ADGRG4: variants seen among roughly 807,000 people sequenced by gnomAD.
The protein encoded by ADGRG4 is G protein-coupled receptor 112.
Under a neutral mutation model 126.2 loss-of-function variants are expected in ADGRG4, and 122 were observed. The ratio of observed to expected loss-of-function variants is 0.97; its 90% confidence interval spans 0.83 to 1.12. The LOEUF (loss-of-function observed/expected upper bound fraction) is 1.12, where lower values mean the gene tolerates loss of function less well. Among genes scored for constraint, ADGRG4 ranks in the 50% most tolerant of loss-of-function variants. ADGRG4 has a pLI of 0.00. For synonymous variants in ADGRG4, 943 were observed against 838.7 expected (o/e 1.12, Z -2.15); for missense variants, 2,481 against 2,251.8 (o/e 1.10, Z -2.06).
chrX:136,414,205 GACTAA>G lies in ADGRG4; in HGVS notation c.9085_9089del (p.Leu3029GlufsTer4). On this transcript the variant is annotated frameshift_variant, in exon 25 of 26. Transcript: ENST00000394143. LOFTEE classifies it high-confidence loss of function. ...ATAAAGGTTGGATATAAACAGGAGGGACTAAAGAAAATCTTTGAGCACAAACTGTT... is the reference window on the plus strand; with the variant it reads ...ATAAAGGTTGGATATAAACAGGAGGGAGAAAATCTTTGAGCACAAACTGTT... 1.7e-6 allele frequency: 2 copies of G among 1,206,197 alleles called. No individual in the cohort carries two copies. The highest frequency in any genetic ancestry group is 2.2e-6 in the Non-Finnish European group (2 of 891,225).
rs779905902 is a variant in ADGRG4 at position 136,350,065 on chromosome X, T to C, written c.6359T>C (p.Val2120Ala). 11 of 1,208,914 alleles carry C rather than the reference T, an allele frequency of 9.1e-6. No homozygotes were observed. The highest frequency in any genetic ancestry group is 1.2e-5 in the Non-Finnish European group (11 of 894,551). ...ACAATAACTGCCAACCCCAGGACTG[T>C]GTCTCATCCTTCATCCTTCAGCAGA... ...RTTITANPRT[V>A]SHPSSFSRKT... is the part of the protein sequence containing the mutation. Residue 2120 changes from valine to alanine, a missense_variant, in exon 6 of 26, where the codon GTG (valine) becomes GCG (alanine). Val to Ala is a moderately conservative substitution (Grantham distance 64, BLOSUM62 0). Transcript: ENST00000394143.
intron 5 of ADGRG4, among the ~76,000 whole-genome samples, chrX:136,331,635 T>C (rs2074910516): frequency 9.0e-6 from 1 of 111,492 alleles, no homozygotes; most frequent in South Asian, 3.8e-4. Flanking sequence ...TAGTGATATT[T>C]TATTGTGCTT....
chrX:136,350,097 A>G lies in ADGRG4; in HGVS notation c.6391A>G (p.Met2131Val), dbSNP rs778450751. Residue 2131 changes from methionine to valine, a missense_variant, in exon 6 of 26, where the codon ATG becomes GTG. Met to Val is a conservative substitution (Grantham distance 21, BLOSUM62 1). Coordinates refer to ENST00000394143, the MANE Select transcript of ADGRG4 (RefSeq NM_153834.4). ...TCCTTCATCCTTCAGCAGAAAGACT[A>G]TGTCACCTTCTACAACTGACCACAC... ...SHPSSFSRKT[M>V]SPSTTDHTLS... The G allele has an allele frequency of 5.0e-6, 6 of 1,209,026 alleles. No homozygotes were observed. In the East Asian group the frequency reaches 1.8e-4, roughly 36 times the overall value.
At position 136,345,978 on chromosome X, in the gene ADGRG4, A is replaced by T. The variant is rs776278295; in HGVS notation, c.2272A>T (p.Thr758Ser). Residue 758 changes from threonine to serine, a missense_variant, in exon 6 of 26, where the codon ACT (threonine) becomes TCT (serine). By Grantham distance (58) the Thr-to-Ser change is moderately conservative. Coordinates refer to ENST00000394143, the MANE Select transcript of ADGRG4 (RefSeq NM_153834.4). ...ITNMPEFKLT[T>S]LLLKTIPMST... ...CAATATGCCTGAATTTAAACTTACC[A>T]CTTTACTACTAAAAACAATACCTAT... is the stretch of plus-strand genomic sequence containing the variant. 1 of 1,209,554 alleles carries T rather than the reference A, an allele frequency of 8.3e-7. No homozygotes were observed. The highest frequency in any genetic ancestry group is 1.8e-5 in the South Asian group (1 of 56,573).
chrX:136,359,388 T>A lies in ADGRG4; in HGVS notation c.7077T>A (p.His2359Gln). Residue 2359 changes from histidine to glutamine, a missense_variant, in exon 11 of 26, where the codon CAT becomes CAA. His to Gln is a conservative substitution (Grantham distance 24). Coordinates refer to ENST00000394143, the MANE Select transcript of ADGRG4 (RefSeq NM_153834.4). Reference sequence around the variant, plus strand: ...GTAAAATACATGGCAACTTCACACATGGAAACTTCACACAAGATCAATTGA... The same window carrying A: ...GTAAAATACATGGCAACTTCACACAAGGAAACTTCACACAAGATCAATTGA... ...IKSKIHGNFT[H>Q]GNFTQDQLTL... The A allele has an allele frequency of 8.3e-7, 1 of 1,208,593 alleles. No homozygotes were observed. Among genetic ancestry groups the A allele is most frequent in the Non-Finnish European group, 1.1e-6 (1 of 892,986 alleles).
chrX:136,330,633 G>GA (rs1351013547), intron 5 of ADGRG4, among the ~76,000 whole-genome samples: 1 of 110,995 alleles, frequency 9.0e-6, no homozygotes, highest in African/African-American at 3.3e-5. Context: ...ATTTCTCTGG[G>GA]AAAAATGCCT....
Position 136,347,985 on chromosome X carries a change from T to A in ADGRG4, c.4279T>A (p.Ser1427Thr), listed in dbSNP as rs779853410. Residue 1427 changes from serine (S) to threonine (T), a missense_variant, in exon 6 of 26, where the codon TCA becomes ACA. Coordinates refer to ENST00000394143, the MANE Select transcript of ADGRG4 (RefSeq NM_153834.4). ...CACAACTTCCAGCTCAACAAGGATA[T>A]CAAATCCTATGGACATCAATACAAC... ...DTTTSSSTRI[S>T]NPMDINTTFS... The A allele has an allele frequency of 6.6e-6, 8 of 1,210,788 alleles. No individual in the cohort carries two copies. In the South Asian group the frequency reaches 1.4e-4, roughly 21 times the overall value.
intron 5 of ADGRG4, among the ~76,000 whole-genome samples, chrX:136,331,191 G>T (rs2074907625): frequency 8.9e-6 from 1 of 111,862 alleles, no homozygotes; most frequent in Non-Finnish European, 1.9e-5. Context: ...TTTTTTTGTG[G>T]CTGAATAGTA....
At chrX:136,404,832 A>AAC (rs750812806) in intron 22 of ADGRG4, among the ~76,000 whole-genome samples, 17 of 111,189 alleles carry the variant, frequency 1.5e-4, no homozygotes, top group Admixed American at 2.9e-4. Context: ...ACATGTTTGC[A>AAC]ACACACACAC....
Position 136,373,007 on chromosome X carries a change from C to T in ADGRG4, c.7719C>T (p.His2573=), listed in dbSNP as rs2075204040. The change falls in exon 15 of 26, where the codon CAC becomes CAT. Residue 2573 remains histidine (H), a synonymous_variant. Coordinates refer to ENST00000394143, the MANE Select transcript of ADGRG4 (RefSeq NM_153834.4). Reference sequence around the variant, plus strand: ...CTTTGGCTGTGCTGCGGGGGGACCACACGTTTGATGGCATGGCTTTCAGCA... The same window carrying T: ...CTTTGGCTGTGCTGCGGGGGGACCATACGTTTGATGGCATGGCTTTCAGCA... ...GLALAVLRGD[H]TFDGMAFSIH... 1 of 1,208,962 alleles carries T rather than the reference C, an allele frequency of 8.3e-7. No homozygotes were observed. Among genetic ancestry groups the T allele is most frequent in the African/African-American group, 1.8e-5 (1 of 56,937 alleles).
rs148424660 is a variant in ADGRG4 at position 136,346,958 on chromosome X, G to A, written c.3252G>A (p.Leu1084=). The change falls in exon 6 of 26, where the codon TTG becomes TTA. Residue 1084 remains leucine (L), a synonymous_variant. Coordinates refer to ENST00000394143, the MANE Select transcript of ADGRG4 (RefSeq NM_153834.4). ...TTATTGTGCCTACCCATGGAGACTT[G>A]ATTCGTACCACTTCAGAGGCCACGG... ...TIVIVPTHGD[L]IRTTSEATVI... 2,323 of 1,208,987 alleles carry A rather than the reference G, an allele frequency of 1.9e-3. 2 individuals carry two copies. The highest frequency in any genetic ancestry group is 2.5e-3 in the Non-Finnish European group (2,192 of 894,482).
At chrX:136,339,671 T>C (rs1293108113) in intron 5 of ADGRG4, among the ~76,000 whole-genome samples, 4 of 112,581 alleles carry the variant, frequency 3.6e-5, no homozygotes, top group African/African-American at 1.3e-4. Context: ...GTTGTTCCTT[T>C]ACTCTTGGGG....
chrX:136,357,369 A>G (rs1306974640), intron 9 of ADGRG4, among the ~76,000 whole-genome samples: 2 of 111,718 alleles, frequency 1.8e-5, no homozygotes, highest in African/African-American at 3.3e-5. Context: ...AGTGTTTACA[A>G]TTGTCAATTG....
Position 136,395,399 on chromosome X carries a change from G to A in ADGRG4, c.8090G>A (p.Gly2697Asp). 6 of 1,191,554 alleles carry A rather than the reference G, an allele frequency of 5.0e-6. No homozygotes were observed. The highest frequency in any genetic ancestry group is 6.8e-6 in the Non-Finnish European group (6 of 878,712). ...FWDFENNNGL[G>D]GWNSSGCKVK... Reference sequence around the variant, plus strand: ...CTTCTGTCTCCTACAGATGGGCTGGGTGGATGGAATTCGTCAGGCTGTAAA... The same window carrying A: ...CTTCTGTCTCCTACAGATGGGCTGGATGGATGGAATTCGTCAGGCTGTAAA... Residue 2697 changes from glycine (G) to aspartate (D), a missense_variant, in exon 19 of 26, where the codon GGT (glycine) becomes GAT (aspartate). Coordinates refer to ENST00000394143, the MANE Select transcript of ADGRG4 (RefSeq NM_153834.4).
At chrX:136,343,068 A>T (rs1165802930) in intron 5 of ADGRG4, among the ~76,000 whole-genome samples, 2 of 110,050 alleles carry the variant, frequency 1.8e-5, no homozygotes, top group Non-Finnish European at 3.8e-5. Flanking sequence ...GATGATGGTG[A>T]CTGGTTAGGG....
In ADGRG4 at chrX:136,357,607, A is replaced by G. The variant is rs953132715; in HGVS notation, c.6928-97A>G. 10 of 597,729 alleles carry G rather than the reference A, an allele frequency of 1.7e-5. No homozygotes were observed. In the African/African-American group the frequency reaches 2.3e-4, roughly 14 times the overall value. The allele number at this position is 597,729 out of a possible 1,213,427, so 49.3% of individuals were successfully genotyped here. A position where few individuals can be genotyped will look rare whatever the true frequency, so the allele number is the denominator to read the frequency against. ...ACGGCAATGAGTTACATAAATGTGA[A>G]GCATAATTATATAATTGTTGTTAAC... On this transcript the variant is annotated intron_variant, in intron 9 of 25. Coordinates refer to ENST00000394143, the MANE Select transcript of ADGRG4 (RefSeq NM_153834.4).
intron 1 of ADGRG4, among the ~76,000 whole-genome samples, chrX:136,301,358 T>A (rs1029533323): frequency 8.9e-6 from 1 of 112,782 alleles, no homozygotes; most frequent in African/African-American, 3.2e-5. Flanking sequence ...CATTTTTTCA[T>A]GTGTCTTTTG....
In ADGRG4 at chrX:136,346,327, C is replaced by T. The variant is rs779941213; in HGVS notation, c.2621C>T (p.Ser874Leu). The T allele has an allele frequency of 8.3e-7, 1 of 1,210,956 alleles. No homozygotes were observed. The highest frequency in any genetic ancestry group is 1.1e-6 in the Non-Finnish European group (1 of 894,944). ...ACAATGCTGGAAGTGACAGACGAATCAGCACAAAGGGTGACAGCTTCTGTC... is the reference window on the plus strand; with the variant it reads ...ACAATGCTGGAAGTGACAGACGAATTAGCACAAAGGGTGACAGCTTCTGTC... ...FSTMLEVTDESAQRVTASVTV... is the reference protein window; with the variant it reads ...FSTMLEVTDELAQRVTASVTV... The change falls in exon 6 of 26, where the codon TCA (serine) becomes TTA (leucine). Residue 874 changes from serine (S) to leucine (L), a missense_variant. Coordinates refer to ENST00000394143, the MANE Select transcript of ADGRG4 (RefSeq NM_153834.4).
At chrX:136,373,324 A>G (rs1393418298) in intron 15 of ADGRG4, among the ~76,000 whole-genome samples, 1 of 111,792 alleles carries the variant, frequency 8.9e-6, no homozygotes, top group Non-Finnish European at 1.9e-5. Flanking sequence ...ATTATTGGCC[A>G]CCATTTAAGG....
Sources: allele counts gnomAD v4.1 joint callset (sites outside exome capture counted in the v4.1 genomes callset), GRCh38; gene constraint gnomAD v4.1.1; transcripts MANE v1.5; gene names NCBI Gene and HGNC (gene_info 2026-07-23, HGNC 2026-07-21).